TULP4: variants seen among roughly 807,000 people sequenced by gnomAD.
The protein encoded by TULP4 is tubby-related protein 4.
Under a neutral mutation model 129.0 loss-of-function variants are expected in TULP4, and 16 were observed. The observed-to-expected ratio is 0.12, with a 90% CI of 0.08 to 0.19. The LOEUF (loss-of-function observed/expected upper bound fraction) is 0.19, where lower values mean the gene tolerates loss of function less well. Ranked by LOEUF, TULP4 falls within the 10% of genes least tolerant of loss-of-function variation. The pLI, the probability that TULP4 is intolerant of heterozygous loss-of-function variation, is 1.00. For synonymous variants in TULP4, 998 were observed against 854.0 expected, an observed-to-expected ratio of 1.17 and a Z score of -2.94; for missense variants, 1,842 against 2,059.1, an observed-to-expected ratio of 0.89 and a Z score of 2.04.
chr6:158,435,711 T>TCAC (rs1425642308), intron 3 of TULP4, among the ~76,000 whole-genome samples: 1 of 152,040 alleles, frequency 6.6e-6, no homozygotes, highest in African/African-American at 2.4e-5. Flanking sequence ...ACCATCACCG[T>TCAC]CACCACCACC....
intron 1 of TULP4, among the ~76,000 whole-genome samples, chr6:158,297,773 A>G (rs6924801): frequency 0.54 from 81,666 of 151,980 alleles, 22,269 homozygotes; most frequent in African/African-American, 0.62. Context: ...ATAAGGTTCT[A>G]TGTTTAGCGG....
chr6:158,360,541 G>C (rs1780762075), intron 1 of TULP4, among the ~76,000 whole-genome samples: 1 of 152,206 alleles, frequency 6.6e-6, no homozygotes, highest in Admixed American at 6.5e-5. Context: ...GCAGCAAGTA[G>C]AATGTGGCAT....
At chr6:158,496,789 A>C (rs1214053800) in intron 11 of TULP4, among the ~76,000 whole-genome samples, 41 of 152,216 alleles carry the variant, frequency 2.7e-4, no homozygotes, top group Admixed American at 2.7e-3. Flanking sequence ...TCCACAGATA[A>C]GCCAGTAAAG....
chr6:158,382,680 G>C (rs1415611317), intron 1 of TULP4, among the ~76,000 whole-genome samples: 1 of 152,176 alleles, frequency 6.6e-6, no homozygotes, highest in African/African-American at 2.4e-5. Flanking sequence ...AGGATGAAAT[G>C]AGATACCTTA....
chr6:158,502,288 G>C lies in TULP4; in HGVS notation c.2625G>C (p.Thr875=). ...AGGGCGACTTCTCCCTCTACCCCAC[G>C]TCAGTGCACTACCAGACCCCCCTGG... ...LKKGDFSLYP[T]SVHYQTPLGY... is the part of the protein sequence containing the mutation. Residue 875 remains threonine, a synonymous_variant, in exon 13 of 14, where the codon ACG becomes ACC. Transcript: ENST00000367097. The C allele has an allele frequency of 7.0e-7, 1 of 1,434,112 alleles. No homozygotes were observed. The highest frequency in any genetic ancestry group is 9.3e-7 in the Non-Finnish European group (1 of 1,070,470). 88.8% of individuals were successfully genotyped at this position (1,434,112 alleles called of 1,614,324 possible).
At chr6:158,333,932 C>T (rs1436180216) in intron 1 of TULP4, among the ~76,000 whole-genome samples, 2 of 152,166 alleles carry the variant, frequency 1.3e-5, no homozygotes, top group Non-Finnish European at 2.9e-5. Context: ...ATTGTAACTG[C>T]ATAAACTTAA....
intron 1 of TULP4, among the ~76,000 whole-genome samples, chr6:158,233,504 G>A (rs938401996): frequency 2.6e-5 from 4 of 152,216 alleles, no homozygotes; most frequent in Non-Finnish European, 5.9e-5. Flanking sequence ...AGTTCTTGCA[G>A]ACAAACCCGC....
intron 1 of TULP4, among the ~76,000 whole-genome samples, chr6:158,240,591 G>C (rs1299735463): frequency 1.0e-5 from 1 of 98,652 alleles, no homozygotes; most frequent in African/African-American, 3.2e-5. Flanking sequence ...TCCCAGTAGG[G>C]GCGGCCGGGC....
chr6:158,243,525 C>T (rs1395513659), intron 1 of TULP4, among the ~76,000 whole-genome samples: 1 of 151,326 alleles, frequency 6.6e-6, no homozygotes, highest in Non-Finnish European at 1.5e-5. Flanking sequence ...GGTTTAAAGT[C>T]TCTTTTAACC....
upstream of TULP4, chr6:158,312,139 A>G: frequency 2.5e-6 from 1 of 398,292 alleles, no homozygotes; most frequent in Non-Finnish European, 4.4e-6. Flanking sequence ...TGGCAGTTGA[A>G]GAGTGTGTGT....
chr6:158,237,751 A>C (rs1291642801), intron 1 of TULP4: 6 of 825,838 alleles, frequency 7.3e-6, no homozygotes, highest in Non-Finnish European at 1.3e-5. Flanking sequence ...ACCCTTCCAA[A>C]TGTATGTAGC....
chr6:158,428,241 G>A (rs1034726538), intron 2 of TULP4: 4 of 152,202 alleles, frequency 2.6e-5, no homozygotes, highest in Admixed American at 1.3e-4. Context: ...AAACTTTCAA[G>A]CAACAAATCA....
At position 158,457,165 on chromosome 6, in the gene TULP4, G is replaced by T. The variant is rs115093667; in HGVS notation, c.860-4398G>T. On this transcript the variant is annotated intron_variant, in intron 5 of 13. Coordinates refer to ENST00000367097, the MANE Select transcript of TULP4 (RefSeq NM_020245.5). ...CTTGTCTCATAGAGGAAATTAAAAA[G>T]GTCTCCGATCCACTTGGTTTTTCTC... Among the ~76,000 whole-genome samples, 241 of 152,198 alleles carry T rather than the reference G, an allele frequency of 1.6e-3. 1 individual carries two copies. Among genetic ancestry groups the T allele is most frequent in the African/African-American group, 5.4e-3 (224 of 41,540 alleles).
At chr6:158,268,426 A>G (rs1778490006) in intron 1 of TULP4, among the ~76,000 whole-genome samples, 1 of 152,080 alleles carries the variant, frequency 6.6e-6, no homozygotes, top group Admixed American at 6.6e-5. Context: ...TTTGTGTACT[A>G]TTTATTGTCT....
chr6:158,469,337 G>A (rs1476953141), intron 6 of TULP4, among the ~76,000 whole-genome samples: 3 of 151,190 alleles, frequency 2.0e-5, no homozygotes, highest in African/African-American at 7.3e-5. Context: ...GCAGTGGCAT[G>A]ATCTTAGCTC....
At chr6:158,430,731 G>A (rs1208685281) in intron 3 of TULP4, among the ~76,000 whole-genome samples, 1 of 152,164 alleles carries the variant, frequency 6.6e-6, no homozygotes, top group African/African-American at 2.4e-5. Context: ...GGGTGACAGA[G>A]CGATACTCCA....
intron 1 of TULP4, among the ~76,000 whole-genome samples, chr6:158,240,783 G>T (rs1278486728): frequency 6.9e-6 from 1 of 145,102 alleles, no homozygotes; most frequent in Non-Finnish European, 1.5e-5. Context: ...GGCACGGCTG[G>T]CCAGGCGGGG....
At chr6:158,416,770 G>T (rs1445846398) in intron 2 of TULP4, among the ~76,000 whole-genome samples, 2 of 152,214 alleles carry the variant, frequency 1.3e-5, no homozygotes, top group Non-Finnish European at 2.9e-5. Flanking sequence ...CTCACCCAGA[G>T]CAACTTCTAG....
chr6:158,388,398 C>T (rs1382378149), intron 1 of TULP4, among the ~76,000 whole-genome samples: 21 of 125,570 alleles, frequency 1.7e-4, no homozygotes, highest in African/African-American at 5.0e-4. Context: ...GGGGTGATCT[C>T]AACACACTGC....
Sources: allele counts gnomAD v4.1 joint callset (sites outside exome capture counted in the v4.1 genomes callset), GRCh38; gene constraint gnomAD v4.1.1; transcripts MANE v1.5; gene names NCBI Gene and HGNC (gene_info 2026-07-23, HGNC 2026-07-21).